The following ANKS1B variants were observed in gnomAD, a reference collection of about 807,000 sequenced individuals.
The protein encoded by ANKS1B is ankyrin repeat and sterile alpha motif domain-containing protein 1B.
A neutral mutation model predicts 148.3 loss-of-function variants in ANKS1B; 36 were observed. The observed-to-expected ratio is 0.24, with a 90% CI of 0.19 to 0.32. ANKS1B has a LOEUF of 0.32. Ranked by LOEUF, ANKS1B falls within the 10% of genes least tolerant of loss-of-function variation. ANKS1B has a pLI of 1.00. For synonymous variants in ANKS1B, 542 were observed against 560.8 expected (o/e 0.97, Z 0.47); for missense variants, 1,157 against 1,542.6 (o/e 0.75, Z 4.19).
chr12:98,974,680 G>A (rs1290706357), intron 17 of ANKS1B, among the ~76,000 whole-genome samples: 1 of 152,146 alleles, frequency 6.6e-6, no homozygotes, highest in African/African-American at 2.4e-5. Flanking sequence ...CAAGAGGGCT[G>A]CATGAGATGA....
In ANKS1B at chr12:99,427,837, G is replaced by A. The variant is rs1029731450; in HGVS notation, c.1575+15836C>T. 3.3e-5 allele frequency among the ~76,000 whole-genome samples: 5 copies of A among 152,264 alleles called. No homozygotes were observed. In the East Asian group the frequency reaches 9.7e-4, roughly 30 times the overall value. On this transcript the variant is annotated intron_variant, in intron 11 of 26. Transcript: ENST00000683438. ...TGGATCCTACCTAAAAGAAAGAACA[G>A]AAGTTAACCAGGTAGAGAAAAAGAG... is the stretch of plus-strand genomic sequence containing the variant.
chr12:99,901,509 G>C (rs2093599494), intron 1 of ANKS1B, among the ~76,000 whole-genome samples: 1 of 152,130 alleles, frequency 6.6e-6, no homozygotes, highest in Non-Finnish European at 1.5e-5. Context: ...CACACTGTGG[G>C]AACACACTGG....
Position 99,210,526 on chromosome 12 carries a change from C to T in ANKS1B, c.2419+33816G>A, listed in dbSNP as rs534306557. 8.5e-5 allele frequency among the ~76,000 whole-genome samples: 13 copies of T among 152,308 alleles called. No homozygotes were observed. In the East Asian group the frequency reaches 2.5e-3, roughly 29 times the overall value. On this transcript the variant is annotated intron_variant, in intron 14 of 26. Coordinates refer to ENST00000683438, the MANE Select transcript of ANKS1B (RefSeq NM_001352186.2). ...ATCCTTTAGTCCACCCAGTGGGTAA[C>T]TTTGGCAATATCCCTAATGCAATTG... is the stretch of plus-strand genomic sequence containing the variant.
At chr12:99,282,041 A>G (rs1261022625) in intron 12 of ANKS1B, among the ~76,000 whole-genome samples, 1 of 152,206 alleles carries the variant, frequency 6.6e-6, no homozygotes, top group Admixed American at 6.5e-5. Flanking sequence ...TCAAATGTAT[A>G]GTATGTGCAG....
At chr12:99,328,718 C>A (rs903146439) in intron 12 of ANKS1B, among the ~76,000 whole-genome samples, 1 of 151,748 alleles carries the variant, frequency 6.6e-6, no homozygotes, top group Non-Finnish European at 1.5e-5. Context: ...GGTATTTGAT[C>A]AAAAATTACA....
intron 17 of ANKS1B, among the ~76,000 whole-genome samples, chr12:98,834,547 T>C (rs201404): frequency 0.84 from 127,928 of 152,172 alleles, 54,074 homozygotes; most frequent in East Asian, 1. Flanking sequence ...TCCCTAAATT[T>C]CTTATCTTAC....
rs1224982165 is a variant in ANKS1B at position 99,550,615 on chromosome 12, C to A, written c.1273-45974G>T. On this transcript the variant is annotated intron_variant, in intron 9 of 26. Transcript: ENST00000683438. ...CTCCAGCCTGGGTGACAGAGTGAAA[C>A]TCTATCTCAAAAAAAAAAAAAAATT... Among the ~76,000 whole-genome samples, 7 of 138,066 alleles carry A rather than the reference C, an allele frequency of 5.1e-5. No individual in the cohort carries two copies. The East Asian group carries it at 1.4e-3, about 28-fold the overall frequency. 90.6% of individuals were successfully genotyped at this position (138,066 alleles called of 152,430 possible). A position where few individuals can be genotyped will look rare whatever the true frequency, so the allele number is the denominator to read the frequency against.
At chr12:99,598,038 T>C (rs11109936) in intron 9 of ANKS1B, among the ~76,000 whole-genome samples, 1,522 of 152,118 alleles carry the variant, frequency 0.01, 20 homozygotes, top group African/African-American at 0.035. Context: ...AAGTTGAAAA[T>C]ATTCTTAAGG....
chr12:99,753,892 G>A (rs984051618), intron 8 of ANKS1B, among the ~76,000 whole-genome samples: 2 of 151,876 alleles, frequency 1.3e-5, no homozygotes, highest in Non-Finnish European at 1.5e-5. Context: ...GCATGGTGCT[G>A]GGCACCTGTA....
At chr12:99,484,205 A>T (rs1405065935) in intron 10 of ANKS1B, among the ~76,000 whole-genome samples, 2 of 151,976 alleles carry the variant, frequency 1.3e-5, no homozygotes, top group Non-Finnish European at 2.9e-5. Context: ...CATTATTATC[A>T]TTCAATTCAA....
intron 1 of ANKS1B, among the ~76,000 whole-genome samples, chr12:99,952,991 T>C (rs1466581799): frequency 6.6e-6 from 1 of 152,130 alleles, no homozygotes; most frequent in Non-Finnish European, 1.5e-5. Flanking sequence ...GAATTCCAAG[T>C]AACACCACAA....
At chr12:99,634,196 C>T (rs954850000) in intron 9 of ANKS1B, among the ~76,000 whole-genome samples, 1 of 151,962 alleles carries the variant, frequency 6.6e-6, no homozygotes, top group Admixed American at 6.6e-5. Flanking sequence ...AGAACAGAGC[C>T]CTCATGAATG....
In ANKS1B at chr12:98,922,726, C is replaced by T. The variant is rs544801416; in HGVS notation, c.2779-90590G>A. ...GTTGGCCAGGCTGGTCTTGAACTCC[C>T]GACCTCAGGCGATCCACCCACCTCA... On this transcript the variant is annotated intron_variant, in intron 17 of 26. Transcript: ENST00000683438. 1.2e-4 allele frequency among the ~76,000 whole-genome samples: 18 copies of T among 151,982 alleles called. No homozygotes were observed. The East Asian group carries it at 2.3e-3, about 20-fold the overall frequency.
intron 12 of ANKS1B, among the ~76,000 whole-genome samples, chr12:99,255,550 GCTGGCATTTA>G (rs1443333148): frequency 1.3e-5 from 2 of 151,950 alleles, no homozygotes; most frequent in East Asian, 3.9e-4. Flanking sequence ...AATTTCTTAA[GCTGGCATTTA>G]CCTCATTAGT....
At chr12:99,955,903 T>G (rs1490466145) in intron 1 of ANKS1B, among the ~76,000 whole-genome samples, 1 of 152,180 alleles carries the variant, frequency 6.6e-6, no homozygotes, top group Non-Finnish European at 1.5e-5. Flanking sequence ...ATTCCTATTT[T>G]ATAATATCTA....
intron 17 of ANKS1B, among the ~76,000 whole-genome samples, chr12:99,036,735 T>C (rs2153476809): frequency 6.6e-6 from 1 of 152,354 alleles, no homozygotes; most frequent in South Asian, 2.1e-4. Context: ...CCATGTGCAT[T>C]GTGGGTCTGA....
intron 17 of ANKS1B, among the ~76,000 whole-genome samples, chr12:98,942,531 GGTTCCCCTCAGCAGAAT>G (rs2099838624): frequency 6.6e-6 from 1 of 152,168 alleles, no homozygotes; most frequent in African/African-American, 2.4e-5. Context: ...GTCTAGGTTA[GGTTCCCCTCAGCAGAAT>G]GTCCTTCTCT....
intron 15 of ANKS1B, among the ~76,000 whole-genome samples, chr12:99,150,132 A>G (rs2074435741): frequency 6.6e-6 from 1 of 152,136 alleles, no homozygotes; most frequent in Non-Finnish European, 1.5e-5. Flanking sequence ...CCATGTTCCC[A>G]TTGGCAAAAT....
intron 16 of ANKS1B, among the ~76,000 whole-genome samples, chr12:99,053,827 C>T (rs1313259326): frequency 6.6e-6 from 1 of 152,162 alleles, no homozygotes; most frequent in Non-Finnish European, 1.5e-5. Context: ...CTGCGGTGAA[C>T]CAGTAAAGGA....
Sources: allele counts gnomAD v4.1 joint callset (sites outside exome capture counted in the v4.1 genomes callset), GRCh38; gene constraint gnomAD v4.1.1; transcripts MANE v1.5; gene names NCBI Gene and HGNC (gene_info 2026-07-23, HGNC 2026-07-21).